SNX14: variants seen among roughly 807,000 people sequenced by gnomAD.
SNX14 encodes sorting nexin 14.
A neutral mutation model predicts 133.8 loss-of-function variants in SNX14; 93 were observed. The ratio of observed to expected loss-of-function variants is 0.70; its 90% confidence interval spans 0.59 to 0.83. The LOEUF (loss-of-function observed/expected upper bound fraction) is 0.83, where lower values mean the gene tolerates loss of function less well. Among genes scored for constraint, SNX14 ranks in the 40% least tolerant of loss-of-function variants. The pLI is 0.00. For missense variants in SNX14, 945 were observed against 1,094.9 expected, an observed-to-expected ratio of 0.86 and a Z score of 1.93; for synonymous variants, 368 against 365.6, an observed-to-expected ratio of 1.01 and a Z score of -0.07.
chr6:85,571,284 C>T (rs530630659), intron 4 of SNX14, among the ~76,000 whole-genome samples: 19 of 149,752 alleles, frequency 1.3e-4, no homozygotes, highest in Middle Eastern at 3.5e-3. Context: ...CGCTTGAACC[C>T]GGGAGGCAGA....
At chr6:85,572,236 T>G in intron 3 of SNX14, 21 bp from the exon 4 acceptor site, 1 of 1,612,598 alleles carries the variant, frequency 6.2e-7, no homozygotes. Context: ...ATTATACAAC[T>G]AAATCACTTG....
In SNX14 at chr6:85,518,055, TTAAAAG is replaced by T; in HGVS notation, c.2108-13_2108-8del. ...ACAGATTTTATAATTTTCCCTGCAA[TTAAAAG>T]TAAAACATTATTTTAGGAAGGCATA... On this transcript the variant is annotated splice_polypyrimidine_tract_variant and splice_region_variant and intron_variant, in intron 21 of 28. Coordinates refer to ENST00000314673, the MANE Select transcript of SNX14 (RefSeq NM_153816.6). 6.3e-7 allele frequency: 1 copy of T among 1,599,700 alleles called. No individual in the cohort carries two copies. Among genetic ancestry groups the T allele is most frequent in the Non-Finnish European group, 8.5e-7 (1 of 1,171,068 alleles).
chr6:85,514,417 T>C (rs1044511673), intron 24 of SNX14, 89 bp downstream of exon 24: 6 of 1,512,878 alleles, frequency 4.0e-6, no homozygotes, highest in Non-Finnish European at 5.4e-6. Flanking sequence ...AAAAAGACAG[T>C]TATGATGGGG....
intron 15 of SNX14, among the ~76,000 whole-genome samples, chr6:85,540,630 G>T (rs1039655010): frequency 6.6e-5 from 10 of 152,254 alleles, no homozygotes; most frequent in Admixed American, 2.6e-4. Context: ...GTTATTACAT[G>T]TATACTACTT....
At chr6:85,525,170 A>C (rs9450291) in intron 21 of SNX14, among the ~76,000 whole-genome samples, 3,011 of 152,282 alleles carry the variant, frequency 0.02, 47 homozygotes, top group Middle Eastern at 0.034. Context: ...GTAAAAATAT[A>C]ATAAGGTCTT....
intron 17 of SNX14, among the ~76,000 whole-genome samples, chr6:85,535,028 CT>C (rs35936403): frequency 0.44 from 54,927 of 123,976 alleles, 11,797 homozygotes; most frequent in Middle Eastern, 0.58. Flanking sequence ...TCTATCCATA[CT>C]TTTTTTTTTT....
At chr6:85,527,398 T>TATA (rs1554221351) in intron 20 of SNX14, among the ~76,000 whole-genome samples, 4 of 80,454 alleles carry the variant, frequency 5.0e-5, no homozygotes, top group East Asian at 3.2e-4. Flanking sequence ...TATATATATA[T>TATA]TTTTTTTTCA....
intron 6 of SNX14, among the ~76,000 whole-genome samples, chr6:85,562,351 C>A (rs576282613): frequency 1.3e-5 from 2 of 152,274 alleles, no homozygotes; most frequent in South Asian, 4.1e-4. Flanking sequence ...AACTCATTTG[C>A]ATTCCCACCA....
At position 85,558,044 on chromosome 6, in the gene SNX14, A is replaced by G; in HGVS notation, c.566T>C (p.Ile189Thr). Residue 189 changes from isoleucine (I) to threonine (T), a missense_variant, in exon 7 of 29, where the codon ATT becomes ACT. Ile to Thr is a moderately conservative substitution (Grantham distance 89, BLOSUM62 -1). This residue lies in a region of SNX14 where 514 missense variants were observed against 538.8 expected (regional missense o/e 0.95). Coordinates refer to ENST00000314673, the MANE Select transcript of SNX14 (RefSeq NM_153816.6). Reference protein sequence around the residue: ...RRIHKVDIPSIITKKLLKAAM... With the variant: ...RRIHKVDIPSTITKKLLKAAM... ...TGCTTTTAATAGTTTCTTGGTTATA[A>G]TAGATGGAATATCCACCTAGAAAAA... 1 of 1,556,280 alleles carries G rather than the reference A, an allele frequency of 6.4e-7. No individual in the cohort carries two copies. Among genetic ancestry groups the G allele is most frequent in the Non-Finnish European group, 8.8e-7 (1 of 1,134,194 alleles).
chr6:85,577,455 A>G (rs1362480794), intron 1 of SNX14, among the ~76,000 whole-genome samples: 5 of 151,976 alleles, frequency 3.3e-5, no homozygotes, highest in Admixed American at 2.6e-4. Flanking sequence ...AGAGAAAAAT[A>G]AAAAATCAGT....
rs1045593530 is a variant in SNX14, at chr6:85,557,828, T to C, written c.634+148A>G. On this transcript the variant is annotated intron_variant, in intron 7 of 28. Coordinates refer to ENST00000314673, the MANE Select transcript of SNX14 (RefSeq NM_153816.6). ...CTCAAGTTTTCACACATTAACAAAC[T>C]ACTGAAAGACATTTCAGTTTAAGAG... The C allele has an allele frequency of 7.1e-6, 4 of 563,100 alleles. No individual in the cohort carries two copies. In the African/African-American group the frequency reaches 7.9e-5, roughly 11 times the overall value. 34.9% of individuals were successfully genotyped at this position (563,100 alleles called of 1,614,324 possible).
Position 85,517,998 on chromosome 6 carries a change from A to G in SNX14, c.2148+10T>C. ...TCATGTTATAGAACACACATAAATC[A>G]GTTACTCACCTCTTTCATTAGTTTT... On this transcript the variant is annotated intron_variant, in intron 22 of 28. Coordinates refer to ENST00000314673, the MANE Select transcript of SNX14 (RefSeq NM_153816.6). 1 of 1,601,568 alleles carries G rather than the reference A, an allele frequency of 6.2e-7. No individual in the cohort carries two copies. The highest frequency in any genetic ancestry group is 8.5e-7 in the Non-Finnish European group (1 of 1,173,756).
intron 6 of SNX14, 80 bp downstream of exon 6, chr6:85,565,252 A>G (rs954622304): frequency 3.1e-5 from 25 of 796,408 alleles, no homozygotes; most frequent in Non-Finnish European, 4.7e-5. Flanking sequence ...TTTGCCATGT[A>G]CTCACAAAAA....
intron 21 of SNX14, among the ~76,000 whole-genome samples, chr6:85,525,370 A>G (rs34898046): frequency 0.082 from 12,505 of 152,240 alleles, 836 homozygotes; most frequent in East Asian, 0.22. Flanking sequence ...CTTTGAAATT[A>G]AAGATCAAGA....
intron 12 of SNX14, among the ~76,000 whole-genome samples, chr6:85,545,994 T>C (rs1352291552): frequency 6.6e-6 from 1 of 152,210 alleles, no homozygotes; most frequent in East Asian, 1.9e-4. Flanking sequence ...AAACTACTTA[T>C]TTAGACAAAA....
Position 85,536,779 on chromosome 6 carries a change from A to G in SNX14, c.1608+13T>C. 6.2e-7 allele frequency: 1 copy of G among 1,604,032 alleles called. No homozygotes were observed. On this transcript the variant is annotated intron_variant, in intron 17 of 28. Transcript: ENST00000314673. ...GAAGTTATAAATAAATCAAATTGAT[A>G]CATTTTACTTACAAAATCATCTTCA... is the stretch of plus-strand genomic sequence containing the variant.
intron 20 of SNX14, among the ~76,000 whole-genome samples, chr6:85,527,127 T>C (rs965647947): frequency 1.3e-5 from 2 of 152,184 alleles, no homozygotes; most frequent in Admixed American, 6.5e-5. Flanking sequence ...CCAGTCTTAA[T>C]AGTTTCCTAA....
chr6:85,588,965 G>A, intron 1 of SNX14: 1 of 452,806 alleles, frequency 2.2e-6, no homozygotes, highest in Non-Finnish European at 4.4e-6. Flanking sequence ...GGAATTGCAG[G>A]GGTGAAAGAG....
chr6:85,509,710 C>T (rs1040256824), intron 26 of SNX14, among the ~76,000 whole-genome samples: 18 of 152,004 alleles, frequency 1.2e-4, no homozygotes, highest in African/African-American at 4.3e-4. Flanking sequence ...CATTGGAGTT[C>T]GTTCTTGGTG....
Sources: gnomAD v4.1 joint callset for allele counts (sites outside exome capture counted in the v4.1 genomes callset) on GRCh38, gnomAD v4.1.1 for gene constraint, gnomAD v4.1.1 regional missense constraint, MANE v1.5 for transcripts, NCBI Gene and HGNC (gene_info 2026-07-23, HGNC 2026-07-21) for gene names.